Variants in EIF4G3 observed in about 807,000 individuals in gnomAD.
EIF4G3 encodes eIF-4-gamma 3.
In EIF4G3, 34 loss-of-function variants were observed where a neutral mutation model predicts 186.4. The ratio of observed to expected loss-of-function variants is 0.18; its 90% CI spans 0.14 to 0.24. The LOEUF is 0.24. Ranked by LOEUF, EIF4G3 falls within the 10% of genes least tolerant of loss-of-function variation. The pLI, the probability that EIF4G3 is intolerant of heterozygous loss-of-function variation, is 1.00. For synonymous variants in EIF4G3, 673 were observed against 679.5 expected, an observed-to-expected ratio of 0.99 and a Z score of 0.15; for missense variants, 1,536 against 1,948.5, an observed-to-expected ratio of 0.79 and a Z score of 3.99.
chr1:20,984,181 G>T (rs193101976), intron 7 of EIF4G3, among the ~76,000 whole-genome samples: 143 of 151,892 alleles, frequency 9.4e-4, no homozygotes, highest in African/African-American at 3.3e-3. Context: ...TCTTTTGTCG[G>T]GGGGAGATGG....
At chr1:21,166,487 G>A (rs2097857390) in intron 2 of EIF4G3, among the ~76,000 whole-genome samples, 1 of 152,138 alleles carries the variant, frequency 6.6e-6, no homozygotes, top group Non-Finnish European at 1.5e-5. Flanking sequence ...CACTTTTAGA[G>A]GCTGAGAGGG....
intron 3 of EIF4G3, among the ~76,000 whole-genome samples, chr1:21,063,092 C>T (rs1287415043): frequency 6.6e-6 from 1 of 152,038 alleles, no homozygotes; most frequent in Non-Finnish European, 1.5e-5. Context: ...CTCACTTTGT[C>T]ACCCAAGCTA....
chr1:21,143,579 T>C (rs2097378873), intron 2 of EIF4G3, among the ~76,000 whole-genome samples: 1 of 152,230 alleles, frequency 6.6e-6, no homozygotes. Flanking sequence ...TACAGTAAGA[T>C]ACATTTATTT....
At chr1:21,118,503 T>C (rs985173506) in intron 2 of EIF4G3, among the ~76,000 whole-genome samples, 4 of 152,066 alleles carry the variant, frequency 2.6e-5, no homozygotes, top group Non-Finnish European at 4.4e-5. Flanking sequence ...ATAGAAATGT[T>C]GGGCCCGGCG....
chr1:20,965,911 T>C (rs2074546974), intron 12 of EIF4G3, among the ~76,000 whole-genome samples: 1 of 152,332 alleles, frequency 6.6e-6, no homozygotes, highest in African/African-American at 2.4e-5. Flanking sequence ...GATAAAGTAA[T>C]TGGGCTAAAG....
At chr1:20,884,555 G>A (rs901644866) in intron 19 of EIF4G3, among the ~76,000 whole-genome samples, 3 of 152,108 alleles carry the variant, frequency 2.0e-5, no homozygotes, top group East Asian at 1.9e-4. Flanking sequence ...CATTTCTCAC[G>A]GAGATTGGAG....
At chr1:20,988,796 T>C (rs2080186083) in intron 7 of EIF4G3, among the ~76,000 whole-genome samples, 1 of 151,788 alleles carries the variant, frequency 6.6e-6, no homozygotes, top group Non-Finnish European at 1.5e-5. Context: ...AGCCTTATTA[T>C]TTAAGAAGTA....
At chr1:21,097,884 G>A (rs1166504587) in intron 2 of EIF4G3, among the ~76,000 whole-genome samples, 1 of 151,974 alleles carries the variant, frequency 6.6e-6, no homozygotes, top group African/African-American at 2.4e-5. Context: ...GGAAACAACT[G>A]TTATCTTGGA....
chr1:21,012,098 TAA>T (rs1375230683), intron 4 of EIF4G3, among the ~76,000 whole-genome samples: 5 of 152,178 alleles, frequency 3.3e-5, no homozygotes, highest in Non-Finnish European at 7.3e-5. Flanking sequence ...ATATTAGAAC[TAA>T]AAGTTTTCCT....
intron 20 of EIF4G3, among the ~76,000 whole-genome samples, chr1:20,870,257 T>A (rs1023876811): frequency 2.0e-5 from 3 of 152,142 alleles, no homozygotes; most frequent in Non-Finnish European, 4.4e-5. Flanking sequence ...CTCAGTCCTG[T>A]CATTCTCCTC....
At chr1:20,929,305 T>TTC (rs2095159317) in intron 14 of EIF4G3, 2 of 152,358 alleles carry the variant, frequency 1.3e-5, no homozygotes, top group East Asian at 3.9e-4. Flanking sequence ...TAAGGAGGCC[T>TTC]TCTCCTTTAC....
intron 4 of EIF4G3, among the ~76,000 whole-genome samples, chr1:21,037,000 G>C (rs569829669): frequency 6.6e-6 from 1 of 152,204 alleles, no homozygotes; most frequent in East Asian, 1.9e-4. Context: ...GTACTGAACT[G>C]GTTTAAAAGA....
At chr1:20,914,492 C>T (rs1455938586) in intron 14 of EIF4G3, among the ~76,000 whole-genome samples, 1 of 152,096 alleles carries the variant, frequency 6.6e-6, no homozygotes, top group Non-Finnish European at 1.5e-5. Flanking sequence ...AAGGAATAGA[C>T]TCTTCCACAG....
intron 18 of EIF4G3, chr1:20,892,776 G>C: frequency 7.7e-7 from 1 of 1,293,792 alleles, no homozygotes; most frequent in South Asian, 1.3e-5. Context: ...AATGTCATCA[G>C]AGATCTCCAG....
chr1:21,134,836 G>A lies in EIF4G3; in HGVS notation c.-272+41339C>T, dbSNP rs1427274259. Among the ~76,000 whole-genome samples the A allele has an allele frequency of 2.0e-5, 3 of 152,024 alleles. No individual in the cohort carries two copies. In the East Asian group the frequency reaches 5.8e-4, roughly 29 times the overall value. ...AGCCAGCTGATGAATGCATTGCTTT[G>A]CTATGTTATAGTGTATTTTTATATA... On this transcript the variant is annotated intron_variant, in intron 2 of 36. Coordinates refer to ENST00000602326, the MANE Select transcript of EIF4G3 (RefSeq NM_001391906.1).
chr1:21,145,004 A>G (rs1210228862), intron 2 of EIF4G3, among the ~76,000 whole-genome samples: 2 of 152,150 alleles, frequency 1.3e-5, no homozygotes, highest in Non-Finnish European at 2.9e-5. Context: ...TTGGCCAGGC[A>G]TGGTGGCTCA....
At chr1:21,149,909 A>T (rs1217783609) in intron 2 of EIF4G3, among the ~76,000 whole-genome samples, 1 of 152,268 alleles carries the variant, frequency 6.6e-6, no homozygotes, top group Non-Finnish European at 1.5e-5. Flanking sequence ...TTCTGAAAAT[A>T]GCCAATCCTG....
At chr1:21,143,722 C>A (rs997302021) in intron 2 of EIF4G3, among the ~76,000 whole-genome samples, 1 of 152,124 alleles carries the variant, frequency 6.6e-6, no homozygotes, top group Non-Finnish European at 1.5e-5. Context: ...AGTTTGGGAC[C>A]AGGCTGGCCA....
intron 3 of EIF4G3, among the ~76,000 whole-genome samples, chr1:21,086,843 G>A (rs2101048375): frequency 6.6e-6 from 1 of 151,978 alleles, no homozygotes; most frequent in Non-Finnish European, 1.5e-5. Flanking sequence ...AGGAGGCTGA[G>A]GCAGGAGAAT....
Sources: allele counts gnomAD v4.1 joint callset (sites outside exome capture counted in the v4.1 genomes callset), GRCh38; gene constraint gnomAD v4.1.1; transcripts MANE v1.5; gene names NCBI Gene and HGNC (gene_info 2026-07-23, HGNC 2026-07-21).